Variants in PI4K2B observed in about 807,000 individuals in gnomAD.
PI4K2B encodes phosphatidylinositol 4-kinase type 2-beta.
PI4K2B carries 46 observed loss-of-function variants against 56.6 expected under a neutral mutation model. That is an observed-to-expected ratio of 0.81 (90% CI 0.64 to 1.04). PI4K2B has a LOEUF of 1.04. Among genes scored for constraint, PI4K2B ranks in the 50% least tolerant of loss-of-function variants. PI4K2B has a pLI of 0.00. For missense variants in PI4K2B, 556 were observed against 607.7 expected (o/e 0.91, Z 0.89); for synonymous variants, 211 against 223.8 (o/e 0.94, Z 0.51).
At chr4:25,244,180 G>A (rs1258523902) in intron 1 of PI4K2B, among the ~76,000 whole-genome samples, 1 of 152,192 alleles carries the variant, frequency 6.6e-6, no homozygotes, top group East Asian at 1.9e-4. Flanking sequence ...ATGTACCCAG[G>A]TTGGGCCAAA....
At position 25,259,178 on chromosome 4, in the gene PI4K2B, A is replaced by G. The variant is rs1716363764; in HGVS notation, c.898A>G (p.Ile300Val). 1 of 1,562,056 alleles carries G rather than the reference A, an allele frequency of 6.4e-7. No individual in the cohort carries two copies. Among genetic ancestry groups the G allele is most frequent in the Non-Finnish European group, 8.8e-7 (1 of 1,138,694 alleles). The change falls in exon 5 of 10, where the codon ATC (isoleucine) becomes GTC (valine). Residue 300 changes from isoleucine (I) to valine (V), a missense_variant. Ile to Val is a conservative substitution (Grantham distance 29, BLOSUM62 3). Coordinates refer to ENST00000264864, the MANE Select transcript of PI4K2B (RefSeq NM_018323.4). ...AAGATTAGTTATTTTGGATTACATC[A>G]TCAGAAATACAGGTATTGAAGTTCT... is the stretch of plus-strand genomic sequence containing the variant. ...FERLVILDYI[I>V]RNTDRGNDNW...
At chr4:25,242,463 G>A (rs962014804) in intron 1 of PI4K2B, among the ~76,000 whole-genome samples, 1 of 152,244 alleles carries the variant, frequency 6.6e-6, no homozygotes, top group East Asian at 1.9e-4. Flanking sequence ...GGGGAATACA[G>A]AAGAAGGCAT....
At chr4:25,261,934 G>A (rs1716495035) in intron 6 of PI4K2B, among the ~76,000 whole-genome samples, 1 of 152,062 alleles carries the variant, frequency 6.6e-6, no homozygotes, top group African/African-American at 2.4e-5. Context: ...GGAAAGAATA[G>A]TAGAAATAAT....
At chr4:25,265,766 A>C (rs1716643776) in intron 7 of PI4K2B, among the ~76,000 whole-genome samples, 1 of 152,142 alleles carries the variant, frequency 6.6e-6, no homozygotes, top group African/African-American at 2.4e-5. Context: ...ATTTGTTAGT[A>C]ATTTCTGTAT....
intron 7 of PI4K2B, chr4:25,267,735 C>T (rs753500356): frequency 1.2e-5 from 12 of 967,198 alleles, no homozygotes; most frequent in East Asian, 1.1e-4. Context: ...CTAGTCCTGG[C>T]GTAGTTTAGA....
At chr4:25,269,384 C>A (rs1157321808) in intron 9 of PI4K2B, among the ~76,000 whole-genome samples, 181 bp downstream of exon 9, 2 of 152,108 alleles carry the variant, frequency 1.3e-5, no homozygotes. Context: ...CGCCTGTAAT[C>A]CCAGTGCTTT....
chr4:25,262,138 C>T lies in PI4K2B; in HGVS notation c.978+1547C>T, dbSNP rs141438881. On this transcript the variant is annotated intron_variant, in intron 6 of 9. Transcript: ENST00000264864. ...GAATTAAAAAAAAATCTTTTTAAAG[C>T]GCCACTTAAGGATAAAAGACTTAAA... Among the ~76,000 whole-genome samples the T allele has an allele frequency of 5.9e-3, 898 of 151,992 alleles. 4 individuals are homozygous for T. Among genetic ancestry groups the T allele is most frequent in the Non-Finnish European group, 7.6e-3 (514 of 67,972 alleles).
intron 1 of PI4K2B, among the ~76,000 whole-genome samples, chr4:25,242,175 C>T (rs528959368): frequency 3.9e-5 from 6 of 152,210 alleles, no homozygotes; most frequent in African/African-American, 9.6e-5. Context: ...GCTGGGCCTT[C>T]GACCTAGACA....
chr4:25,270,785 C>T (rs879297526), intron 9 of PI4K2B, among the ~76,000 whole-genome samples: 1 of 152,096 alleles, frequency 6.6e-6, no homozygotes, highest in Non-Finnish European at 1.5e-5. Context: ...ATTTCTATTC[C>T]AAAAGGAAAG....
At chr4:25,261,937 G>T (rs1413730990) in intron 6 of PI4K2B, among the ~76,000 whole-genome samples, 1 of 152,056 alleles carries the variant, frequency 6.6e-6, no homozygotes, top group Non-Finnish European at 1.5e-5. Flanking sequence ...AAGAATAGTA[G>T]AAATAATAAT....
At chr4:25,276,538 T>C (rs1717101168) in intron 9 of PI4K2B, 2 of 545,388 alleles carry the variant, frequency 3.7e-6, no homozygotes, top group African/African-American at 4.1e-5. Flanking sequence ...TTGCTTGTTT[T>C]TTTAACTATT....
At chr4:25,261,232 A>G (rs533009829) in intron 6 of PI4K2B, among the ~76,000 whole-genome samples, 2 of 152,302 alleles carry the variant, frequency 1.3e-5, no homozygotes, top group South Asian at 2.1e-4. Context: ...AGATAATACA[A>G]TATTACCTAA....
chr4:25,234,295 C>T lies in PI4K2B; in HGVS notation c.132C>T (p.Gly44=). The T allele has an allele frequency of 2.1e-6, 3 of 1,418,446 alleles. No individual in the cohort carries two copies. The highest frequency in any genetic ancestry group is 1.8e-6 in the Non-Finnish European group (2 of 1,082,526). The allele number at this position is 1,418,446 out of a possible 1,614,324, so 87.9% of individuals were successfully genotyped here. A position where few individuals can be genotyped will look rare whatever the true frequency, so the allele number is the denominator to read the frequency against. ...CCCACCCGCGGAGAGGCGCCCCAGG[C>T]AGCGCCGTGAGGCTGCTGGACGCTG... is the stretch of plus-strand genomic sequence containing the variant. The part of the protein sequence containing the change: ...AWAHPRRGAP[G]SAVRLLDAAG... Residue 44 remains glycine (G), a synonymous_variant, in exon 1 of 10, where the codon GGC becomes GGT. Transcript: ENST00000264864.
At chr4:25,261,194 T>C (rs1032097683) in intron 6 of PI4K2B, among the ~76,000 whole-genome samples, 1 of 152,332 alleles carries the variant, frequency 6.6e-6, no homozygotes, top group Non-Finnish European at 1.5e-5. Flanking sequence ...ACTAATTCAC[T>C]TTCTTCTGAG....
chr4:25,250,358 A>C (rs2109094794), intron 1 of PI4K2B, among the ~76,000 whole-genome samples: 1 of 152,262 alleles, frequency 6.6e-6, no homozygotes, highest in African/African-American at 2.4e-5. Flanking sequence ...AAAACCAAAC[A>C]ACCACGTGTT....
intron 1 of PI4K2B, among the ~76,000 whole-genome samples, chr4:25,240,037 G>A (rs748298814): frequency 6.6e-6 from 1 of 152,196 alleles, no homozygotes; most frequent in Non-Finnish European, 1.5e-5. Context: ...TGGCCTCGAT[G>A]CTAGAGGAAA....
intron 3 of PI4K2B, 89 bp downstream of exon 3, chr4:25,255,354 C>A: frequency 2.6e-6 from 3 of 1,170,614 alleles, no homozygotes; most frequent in Non-Finnish European, 2.5e-6. Flanking sequence ...AATGATAGAA[C>A]CTAAAGTGGA....
intron 9 of PI4K2B, among the ~76,000 whole-genome samples, chr4:25,274,737 A>G (rs1717036633): frequency 6.6e-6 from 1 of 152,152 alleles, no homozygotes; most frequent in Admixed American, 6.5e-5. Context: ...GGATTTAATA[A>G]TTTATGCAAT....
Position 25,247,098 on chromosome 4 carries a change from C to A in PI4K2B, c.269-5223C>A, listed in dbSNP as rs959410654. ...GGCAGGCTGAAGAGCTCCTCAGGCA[C>A]GGCCAGAGTGGGCACCTAGGCCAAG... On this transcript the variant is annotated intron_variant, in intron 1 of 9. Transcript: ENST00000264864. 2.0e-5 allele frequency among the ~76,000 whole-genome samples: 3 copies of A among 152,246 alleles called. No individual in the cohort carries two copies. The South Asian group carries it at 6.2e-4, about 31-fold the overall frequency.
Sources: allele counts gnomAD v4.1 joint callset (sites outside exome capture counted in the v4.1 genomes callset), GRCh38; gene constraint gnomAD v4.1.1; transcripts MANE v1.5; gene names NCBI Gene and HGNC (gene_info 2026-07-23, HGNC 2026-07-21).